The following LCLAT1 variants were observed in gnomAD, a reference collection of about 807,000 sequenced individuals.
The protein encoded by LCLAT1 is lysocardiolipin acyltransferase 1.
Under a neutral mutation model 30.7 loss-of-function variants are expected in LCLAT1, and 11 were observed. That is an observed-to-expected ratio of 0.36 (90% confidence interval 0.23 to 0.59). The LOEUF (loss-of-function observed/expected upper bound fraction) is 0.59, where lower values mean the gene tolerates loss of function less well. LCLAT1 is among the 20% of genes least tolerant of loss of function. The pLI, the probability that LCLAT1 is intolerant of heterozygous loss-of-function variation, is 0.77. For missense variants in LCLAT1, 402 were observed against 458.6 expected (o/e 0.88, Z 1.13); for synonymous variants, 155 against 151.3 (o/e 1.02, Z -0.18).
chr2:30,559,942 C>A (rs116574312), intron 3 of LCLAT1, among the ~76,000 whole-genome samples: 44 of 152,304 alleles, frequency 2.9e-4, no homozygotes, highest in Non-Finnish European at 4.4e-4. Context: ...TTATTTGTTT[C>A]TCTCATCAAT....
chr2:30,608,016 G>T (rs1022755868), intron 5 of LCLAT1, among the ~76,000 whole-genome samples: 1 of 151,892 alleles, frequency 6.6e-6, no homozygotes, highest in Non-Finnish European at 1.5e-5. Context: ...TAAGCGAAGT[G>T]TTATAAAAGA....
chr2:30,511,256 C>G (rs1239151185), intron 1 of LCLAT1, among the ~76,000 whole-genome samples: 1 of 152,158 alleles, frequency 6.6e-6, no homozygotes, highest in African/African-American at 2.4e-5. Context: ...CTCAAGTGAT[C>G]TGACCGCCTC....
At chr2:30,605,770 T>C (rs907370563) in intron 5 of LCLAT1, among the ~76,000 whole-genome samples, 1 of 152,140 alleles carries the variant, frequency 6.6e-6, no homozygotes, top group Non-Finnish European at 1.5e-5. Context: ...TGAGCAAATC[T>C]TTTATGTCAG....
intron 5 of LCLAT1, among the ~76,000 whole-genome samples, chr2:30,617,979 A>G (rs887443455): frequency 1.3e-5 from 2 of 152,060 alleles, no homozygotes; most frequent in Admixed American, 1.3e-4. Flanking sequence ...TGAAGAGTAG[A>G]TGTGTTTAAT....
At chr2:30,553,494 A>T (rs1664771355) in intron 3 of LCLAT1, among the ~76,000 whole-genome samples, 1 of 152,220 alleles carries the variant, frequency 6.6e-6, no homozygotes, top group South Asian at 2.1e-4. Context: ...CAGGTTAAAG[A>T]CAGAATATCC....
chr2:30,633,876 T>C (rs1428854211), intron 5 of LCLAT1, among the ~76,000 whole-genome samples: 2 of 152,236 alleles, frequency 1.3e-5, no homozygotes, highest in East Asian at 1.9e-4. Flanking sequence ...CACTGTACTA[T>C]GCATGTAGAG....
chr2:30,485,168 A>G (rs1683503944), intron 1 of LCLAT1, among the ~76,000 whole-genome samples: 1 of 152,178 alleles, frequency 6.6e-6, no homozygotes, highest in Non-Finnish European at 1.5e-5. Context: ...TACTATTAGA[A>G]ACCATTAACT....
chr2:30,452,245 G>T (rs1163696650), intron 1 of LCLAT1, among the ~76,000 whole-genome samples: 1 of 152,006 alleles, frequency 6.6e-6, no homozygotes, highest in Admixed American at 6.6e-5. Context: ...TAAAAAAGAG[G>T]CTCTAGTGAG....
chr2:30,540,531 T>C (rs1664082788), intron 3 of LCLAT1, among the ~76,000 whole-genome samples: 1 of 152,222 alleles, frequency 6.6e-6, no homozygotes, highest in Admixed American at 6.5e-5. Flanking sequence ...TCAATTTATA[T>C]GTCAAACAAC....
intron 3 of LCLAT1, chr2:30,552,692 A>G (rs1418641978): frequency 4.0e-6 from 1 of 248,512 alleles, no homozygotes; most frequent in East Asian, 1.0e-4. Context: ...TTATCTATCC[A>G]GCATTTAGCA....
At chr2:30,512,730 A>G (rs1484902119) in intron 1 of LCLAT1, among the ~76,000 whole-genome samples, 3 of 152,220 alleles carry the variant, frequency 2.0e-5, no homozygotes, top group African/African-American at 4.8e-5. Flanking sequence ...CTGAATGTCA[A>G]GGATACCCAG....
chr2:30,600,686 GC>G (rs1361740689), intron 5 of LCLAT1, among the ~76,000 whole-genome samples: 7 of 152,010 alleles, frequency 4.6e-5, no homozygotes, highest in African/African-American at 1.7e-4. Flanking sequence ...AGGTGGCCTG[GC>G]CTCTCTTTCT....
At chr2:30,549,445 A>G (rs1664581156) in intron 3 of LCLAT1, among the ~76,000 whole-genome samples, 1 of 152,208 alleles carries the variant, frequency 6.6e-6, no homozygotes, top group Admixed American at 6.5e-5. Flanking sequence ...AAATTATCTA[A>G]AAGATATGCT....
chr2:30,640,013 C>G, intron 5 of LCLAT1, 104 bp from the exon 6 acceptor site: 1 of 827,464 alleles, frequency 1.2e-6, no homozygotes, highest in East Asian at 2.4e-5. Flanking sequence ...GTGGTTCACA[C>G]TGTCCTGATT....
At chr2:30,513,693 C>G (rs1685043604) in intron 1 of LCLAT1, among the ~76,000 whole-genome samples, 2 of 152,184 alleles carry the variant, frequency 1.3e-5, no homozygotes, top group Admixed American at 6.5e-5. Flanking sequence ...GCTTCCCATT[C>G]TATTCGTAGT....
chr2:30,525,365 C>T (rs563266534), intron 1 of LCLAT1, among the ~76,000 whole-genome samples: 17 of 152,232 alleles, frequency 1.1e-4, no homozygotes, highest in East Asian at 1.9e-4. Flanking sequence ...CGTGAGTCGC[C>T]GCACCCGACC....
At chr2:30,598,646 G>C (rs1482913223) in intron 5 of LCLAT1, among the ~76,000 whole-genome samples, 3 of 151,860 alleles carry the variant, frequency 2.0e-5, no homozygotes, top group African/African-American at 7.3e-5. Flanking sequence ...TCATATCTCT[G>C]TGTCCTTCAC....
intron 3 of LCLAT1, among the ~76,000 whole-genome samples, chr2:30,541,407 A>C (rs1200399148): frequency 6.6e-6 from 1 of 151,538 alleles, no homozygotes; most frequent in Non-Finnish European, 1.5e-5. Context: ...AAAGAAAAAA[A>C]AAGTTATTAA....
intron 5 of LCLAT1, among the ~76,000 whole-genome samples, chr2:30,587,258 A>C (rs1374712070): frequency 6.6e-6 from 1 of 152,256 alleles, no homozygotes; most frequent in African/African-American, 2.4e-5. Flanking sequence ...CTGAGATTTC[A>C]AGAATCTTCT....
Sources: allele counts gnomAD v4.1 joint callset (sites outside exome capture counted in the v4.1 genomes callset), GRCh38; gene constraint gnomAD v4.1.1; transcripts MANE v1.5; gene names NCBI Gene and HGNC (gene_info 2026-07-23, HGNC 2026-07-21).